The following CDKAL1 variants were observed in gnomAD, a reference collection of about 807,000 sequenced individuals.
CDKAL1 encodes threonylcarbamoyladenosine tRNA methylthiotransferase.
CDKAL1 carries 32 observed loss-of-function variants against 68.2 expected under a neutral mutation model. The observed-to-expected ratio is 0.47, with a 90% confidence interval of 0.35 to 0.63. The LOEUF (loss-of-function observed/expected upper bound fraction) is 0.63, where lower values mean the gene tolerates loss of function less well. Ranked by LOEUF, CDKAL1 falls within the 30% of genes least tolerant of loss-of-function variation. CDKAL1 has a pLI of 0.00. For synonymous variants in CDKAL1, 234 were observed against 244.3 expected (o/e 0.96, Z 0.39); for missense variants, 606 against 696.7 (o/e 0.87, Z 1.47).
intron 12 of CDKAL1, among the ~76,000 whole-genome samples, chr6:21,072,343 T>C (rs1393570338): frequency 2.0e-5 from 3 of 152,176 alleles, no homozygotes; most frequent in African/African-American, 7.2e-5. Context: ...ACTTCCTTGG[T>C]AGCTTTTTCA....
intron 5 of CDKAL1, among the ~76,000 whole-genome samples, chr6:20,724,218 A>G (rs1327800621): frequency 6.6e-6 from 1 of 151,984 alleles, no homozygotes; most frequent in Non-Finnish European, 1.5e-5. Flanking sequence ...GATTACAGGC[A>G]TGAACCACCA....
intron 10 of CDKAL1, among the ~76,000 whole-genome samples, chr6:20,997,598 T>C (rs539073723): frequency 1.3e-5 from 2 of 152,280 alleles, no homozygotes; most frequent in Admixed American, 1.3e-4. Context: ...ACATTTTAAT[T>C]TGTAAATTGG....
At chr6:20,980,304 C>A (rs1176425683) in intron 10 of CDKAL1, among the ~76,000 whole-genome samples, 1 of 152,092 alleles carries the variant, frequency 6.6e-6, no homozygotes, top group Non-Finnish European at 1.5e-5. Flanking sequence ...GTGGCGCGAT[C>A]TCGGCTCACT....
At chr6:20,601,684 A>C (rs10946394) in intron 4 of CDKAL1, among the ~76,000 whole-genome samples, 34,970 of 152,110 alleles carry the variant, frequency 0.23, 4,934 homozygotes, top group East Asian at 0.53. Flanking sequence ...GTGTATGATT[A>C]TTTCATTGCA....
intron 9 of CDKAL1, among the ~76,000 whole-genome samples, chr6:20,898,619 C>G (rs760236142): frequency 3.9e-5 from 6 of 151,972 alleles, no homozygotes; most frequent in Non-Finnish European, 8.8e-5. Context: ...AACCCGGTCC[C>G]TCCTTCTAAA....
At chr6:20,638,405 G>A (rs746375918) in intron 4 of CDKAL1, among the ~76,000 whole-genome samples, 11 of 151,982 alleles carry the variant, frequency 7.2e-5, no homozygotes, top group East Asian at 3.9e-4. Context: ...GGTCTTTTAA[G>A]TTTTTGAGTT....
chr6:20,931,375 A>G (rs1275025814), intron 9 of CDKAL1, among the ~76,000 whole-genome samples: 2 of 152,174 alleles, frequency 1.3e-5, no homozygotes, highest in South Asian at 4.1e-4. Context: ...CAGTGTCACC[A>G]TACAATTTTA....
At chr6:20,611,724 T>G (rs1239057905) in intron 4 of CDKAL1, among the ~76,000 whole-genome samples, 1 of 152,192 alleles carries the variant, frequency 6.6e-6, no homozygotes, top group East Asian at 1.9e-4. Flanking sequence ...CCATGAATAT[T>G]TATCATTTCT....
intron 5 of CDKAL1, among the ~76,000 whole-genome samples, chr6:20,678,429 A>G (rs1219382951): frequency 6.6e-6 from 1 of 152,186 alleles, no homozygotes; most frequent in Non-Finnish European, 1.5e-5. Context: ...GGTATGTGGA[A>G]TAGAATTGGG....
intron 5 of CDKAL1, among the ~76,000 whole-genome samples, chr6:20,726,485 A>C (rs759818531): frequency 6.6e-6 from 1 of 152,226 alleles, no homozygotes; most frequent in Admixed American, 6.5e-5. Flanking sequence ...TATTGAGCGC[A>C]TTATAAACTT....
intron 4 of CDKAL1, among the ~76,000 whole-genome samples, chr6:20,591,075 T>C (rs1204533603): frequency 6.6e-5 from 10 of 152,246 alleles, no homozygotes; most frequent in African/African-American, 1.9e-4. Context: ...GGTATCTCAT[T>C]GTGGTTTTGA....
chr6:20,933,828 T>C (rs1413699074), intron 9 of CDKAL1, among the ~76,000 whole-genome samples: 1 of 152,198 alleles, frequency 6.6e-6, no homozygotes, highest in East Asian at 1.9e-4. Flanking sequence ...TATTTTGTAA[T>C]TTAAGGACGT....
chr6:20,567,054 T>A (rs547389246), intron 4 of CDKAL1, among the ~76,000 whole-genome samples: 2 of 152,160 alleles, frequency 1.3e-5, no homozygotes, highest in South Asian at 4.2e-4. Context: ...AATGTTCTTT[T>A]CGCTTTGTCT....
chr6:21,093,962 C>T (rs1773192295), intron 12 of CDKAL1, among the ~76,000 whole-genome samples: 1 of 146,552 alleles, frequency 6.8e-6, no homozygotes, highest in Non-Finnish European at 1.5e-5. Flanking sequence ...AAACTTCTGG[C>T]CTCAAGCTAT....
chr6:21,084,298 A>T (rs1772579512), intron 12 of CDKAL1, among the ~76,000 whole-genome samples: 1 of 152,176 alleles, frequency 6.6e-6, no homozygotes. Context: ...TTTGAATTGG[A>T]TATACAGTGA....
At chr6:20,669,829 A>C (rs957158221) in intron 5 of CDKAL1, among the ~76,000 whole-genome samples, 6 of 152,112 alleles carry the variant, frequency 3.9e-5, no homozygotes, top group African/African-American at 1.2e-4. Flanking sequence ...AAGAAACCGC[A>C]ATCTGGGCAC....
intron 5 of CDKAL1, among the ~76,000 whole-genome samples, chr6:20,716,816 G>A (rs548227156): frequency 0.01 from 725 of 69,962 alleles, 6 homozygotes; most frequent in African/African-American, 0.089. Flanking sequence ...TGGGAATCAT[G>A]TGCTGTAGAT....
chr6:20,943,270 A>G, intron 9 of CDKAL1, among the ~76,000 whole-genome samples: 1 of 149,436 alleles, frequency 6.7e-6, no homozygotes, highest in East Asian at 1.9e-4. Context: ...TCTTGTATAC[A>G]ATATTGCTTC....
At chr6:20,820,683 G>A (rs1561805287) in intron 8 of CDKAL1, among the ~76,000 whole-genome samples, 1 of 152,136 alleles carries the variant, frequency 6.6e-6, no homozygotes, top group Admixed American at 6.6e-5. Context: ...CTCTTTTGCT[G>A]TGTGACCTTG....
Sources: allele counts gnomAD v4.1 joint callset (sites outside exome capture counted in the v4.1 genomes callset), GRCh38; gene constraint gnomAD v4.1.1; transcripts MANE v1.5; gene names NCBI Gene and HGNC (gene_info 2026-07-23, HGNC 2026-07-21).